MECOM: variants seen among roughly 807,000 people sequenced by gnomAD.
MECOM encodes the protein histone-lysine N-methyltransferase MECOM.
Under a neutral mutation model 116.3 loss-of-function variants are expected in MECOM, and 13 were observed. That is an observed-to-expected ratio of 0.11 (90% CI 0.07 to 0.18). The LOEUF is 0.18. MECOM is among the 10% of genes least tolerant of loss of function. The probability of loss-of-function intolerance (pLI) is 1.00; values close to 1 mark genes in which losing one functional copy is unlikely to be tolerated. For synonymous variants in MECOM, 528 were observed against 535.2 expected, an observed-to-expected ratio of 0.99 and a Z score of 0.19; for missense variants, 1,299 against 1,509.0, an observed-to-expected ratio of 0.86 and a Z score of 2.31.
chr3:169,134,201 T>C (rs371274567), intron 3 of MECOM, among the ~76,000 whole-genome samples: 5 of 152,216 alleles, frequency 3.3e-5, no homozygotes, highest in Non-Finnish European at 7.3e-5. Context: ...CAATCCAATG[T>C]GAACAGTCTA....
At chr3:169,412,054 G>C (rs1356001458) in intron 1 of MECOM, among the ~76,000 whole-genome samples, 1 of 151,986 alleles carries the variant, frequency 6.6e-6, no homozygotes, top group Non-Finnish European at 1.5e-5. Context: ...GGGAGGCCAA[G>C]GCAGGTGGAT....
chr3:169,110,762 C>T (rs1253931099), intron 9 of MECOM, among the ~76,000 whole-genome samples: 2 of 152,098 alleles, frequency 1.3e-5, no homozygotes, highest in African/African-American at 4.8e-5. Flanking sequence ...GTATTTTGAT[C>T]ACCACTCTTG....
chr3:169,155,217 C>T (rs1741774884), intron 2 of MECOM, among the ~76,000 whole-genome samples: 1 of 152,188 alleles, frequency 6.6e-6, no homozygotes. Flanking sequence ...TCAGTTGATG[C>T]AGTGATGATT....
chr3:169,094,492 AGT>A (rs1641096900), intron 13 of MECOM, among the ~76,000 whole-genome samples: 1 of 152,204 alleles, frequency 6.6e-6, no homozygotes, highest in Admixed American at 6.5e-5. Flanking sequence ...AGAAAAGTCT[AGT>A]TTTATGCCAG....
At chr3:169,212,899 T>C (rs1303110526) in intron 2 of MECOM, among the ~76,000 whole-genome samples, 1 of 151,340 alleles carries the variant, frequency 6.6e-6, no homozygotes, top group African/African-American at 2.4e-5. Flanking sequence ...CAGCTCCTCC[T>C]ATCATTCAGA....
At chr3:169,392,406 A>G (rs946829830) in intron 1 of MECOM, among the ~76,000 whole-genome samples, 1 of 152,214 alleles carries the variant, frequency 6.6e-6, no homozygotes, top group African/African-American at 2.4e-5. Flanking sequence ...ATCCTTTTCT[A>G]GCATTAAAAG....
At chr3:169,565,306 G>A (rs947685714) in intron 1 of MECOM, among the ~76,000 whole-genome samples, 3 of 152,178 alleles carry the variant, frequency 2.0e-5, no homozygotes, top group Non-Finnish European at 2.9e-5. Context: ...CTGGAGAATG[G>A]TGTCAGAAAG....
chr3:169,443,087 CT>C (rs1744013109), intron 1 of MECOM, among the ~76,000 whole-genome samples: 1 of 152,090 alleles, frequency 6.6e-6, no homozygotes, highest in Non-Finnish European at 1.5e-5. Flanking sequence ...ATTATGTTTT[CT>C]ACTCATAATA....
intron 1 of MECOM, among the ~76,000 whole-genome samples, chr3:169,634,986 G>A (rs1772546416): frequency 6.6e-6 from 1 of 152,052 alleles, no homozygotes; most frequent in Admixed American, 6.6e-5. Flanking sequence ...TGAAATGCTA[G>A]GCCAGGATGG....
intron 2 of MECOM, among the ~76,000 whole-genome samples, chr3:169,198,260 G>T (rs911168373): frequency 3.3e-5 from 5 of 151,806 alleles, no homozygotes; most frequent in Non-Finnish European, 5.9e-5. Flanking sequence ...TATGAAATAA[G>T]GTTTTATTTT....
In MECOM at chr3:169,572,535, T is replaced by C. The variant is rs997654246; in HGVS notation, c.37+90801A>G. 2.0e-5 allele frequency among the ~76,000 whole-genome samples: 3 copies of C among 152,204 alleles called. No homozygotes were observed. The East Asian group carries it at 5.8e-4, about 29-fold the overall frequency. ...TACATTATTCTGCTATAAAGACACA[T>C]GCACACATATGTTTATTGCAGCACT... On this transcript the variant is annotated intron_variant, in intron 1 of 16. Coordinates refer to ENST00000651503, the MANE Select transcript of MECOM (RefSeq NM_004991.4).
intron 2 of MECOM, among the ~76,000 whole-genome samples, chr3:169,171,723 C>A (rs548819345): frequency 6.6e-6 from 1 of 151,994 alleles, no homozygotes; most frequent in South Asian, 2.1e-4. Context: ...GGATAAGAAG[C>A]TATTCCTCAA....
chr3:169,530,425 T>C (rs376825638), intron 1 of MECOM, among the ~76,000 whole-genome samples: 5 of 152,116 alleles, frequency 3.3e-5, no homozygotes, highest in African/African-American at 9.7e-5. Flanking sequence ...TTAGTATAAG[T>C]GGAGCATAGA....
intron 1 of MECOM, among the ~76,000 whole-genome samples, chr3:169,505,731 G>A (rs1028308053): frequency 6.6e-6 from 1 of 152,168 alleles, no homozygotes; most frequent in South Asian, 2.1e-4. Context: ...TTAAAACTTG[G>A]TCACCTTTTG....
At chr3:169,584,400 C>A (rs1765508673) in intron 1 of MECOM, among the ~76,000 whole-genome samples, 1 of 151,168 alleles carries the variant, frequency 6.6e-6, no homozygotes, top group Non-Finnish European at 1.5e-5. Flanking sequence ...CCCGTCTCTA[C>A]TAAAAATACA....
chr3:169,260,835 A>AT (rs1272254836), intron 2 of MECOM, among the ~76,000 whole-genome samples: 1 of 152,256 alleles, frequency 6.6e-6, no homozygotes, highest in Non-Finnish European at 1.5e-5. Context: ...AAACAGATTT[A>AT]GTTGTCACTT....
chr3:169,589,986 T>TTATTCAGCAC (rs1289132731), intron 1 of MECOM, among the ~76,000 whole-genome samples: 1 of 152,220 alleles, frequency 6.6e-6, no homozygotes, highest in Non-Finnish European at 1.5e-5. Context: ...ACTTTCCCTT[T>TTATTCAGCAC]TATTCAGCAC....
At chr3:169,523,195 C>T (rs1757561046) in intron 1 of MECOM, among the ~76,000 whole-genome samples, 1 of 152,088 alleles carries the variant, frequency 6.6e-6, no homozygotes, top group South Asian at 2.1e-4. Context: ...CTCAGCAAAA[C>T]ACCAGCAGGA....
intron 1 of MECOM, among the ~76,000 whole-genome samples, chr3:169,627,163 A>T (rs1771481156): frequency 6.6e-6 from 1 of 152,216 alleles, no homozygotes; most frequent in Non-Finnish European, 1.5e-5. Flanking sequence ...GATCCAATTG[A>T]CAGTTTTACG....
Sources: allele counts gnomAD v4.1 joint callset (sites outside exome capture counted in the v4.1 genomes callset), GRCh38; gene constraint gnomAD v4.1.1; transcripts MANE v1.5; gene names NCBI Gene and HGNC (gene_info 2026-07-23, HGNC 2026-07-21).